Variants in TLCD4 observed in about 807,000 individuals in gnomAD.
TLCD4 encodes the protein TLC domain-containing protein 4.
A neutral mutation model predicts 24.2 loss-of-function variants in TLCD4; 7 were observed. That is an observed-to-expected ratio of 0.29 (90% CI 0.16 to 0.54). The LOEUF is 0.54. Among genes scored for constraint, TLCD4 ranks in the 20% least tolerant of loss-of-function variants. The pLI, the probability that TLCD4 is intolerant of heterozygous loss-of-function variation, is 0.95. For missense variants in TLCD4, 259 were observed against 313.9 expected (o/e 0.82, Z 1.32); for synonymous variants, 103 against 106.4 (o/e 0.97, Z 0.20).
the TLCD4 span, among the ~76,000 whole-genome samples, chr1:95,109,234 G>A: frequency 6.6e-6 from 1 of 152,088 alleles, no homozygotes; most frequent in Admixed American, 6.6e-5. Flanking sequence ...GGCTGAGGTG[G>A]GAAGACTGTT....
At chr1:95,114,480 G>T, upstream of TLCD4, among the ~76,000 whole-genome samples, 1 of 152,014 alleles carries the variant, frequency 6.6e-6, no homozygotes, top group Non-Finnish European at 1.5e-5. Flanking sequence ...TCAAACAATT[G>T]GTTCTATTCA....
chr1:95,126,946 G>A (rs1175368469), intron 1 of TLCD4, among the ~76,000 whole-genome samples: 3 of 152,220 alleles, frequency 2.0e-5, no homozygotes, highest in Non-Finnish European at 4.4e-5. Flanking sequence ...GCGTGGCAGT[G>A]TCATTGTTGC....
chr1:95,178,545 G>A (rs980313234), intron 6 of TLCD4, among the ~76,000 whole-genome samples: 1 of 142,896 alleles, frequency 7.0e-6, no homozygotes, highest in African/African-American at 2.6e-5. Context: ...TTACAGGCGT[G>A]AGCCACCATG....
At chr1:95,109,954 TATATAC>T in the TLCD4 span, among the ~76,000 whole-genome samples, 1 of 68,484 alleles carries the variant, frequency 1.5e-5, no homozygotes, top group Non-Finnish European at 2.8e-5. Flanking sequence ...TATATATATA[TATATAC>T]ACACACACAA....
rs1019799002 is a variant in TLCD4, at chr1:95,192,136, A to C, written c.*268A>C. 2.6e-5 allele frequency: 12 copies of C among 459,172 alleles called. No individual in the cohort carries two copies. The highest frequency in any genetic ancestry group is 2.3e-4 in the African/African-American group (11 of 48,194). The allele number at this position is 459,172 out of a possible 1,614,324, so 28.4% of individuals were successfully genotyped here. ...CATGGTGAAACCTCATCTCTACTAA[A>C]AATACAAAAAAAAGTAGCTGGGCGT... On this transcript the variant is annotated 3_prime_UTR_variant, in exon 7 of 7. Transcript: ENST00000370203.
chr1:95,124,737 A>G (rs887470768), intron 1 of TLCD4, among the ~76,000 whole-genome samples: 12 of 152,222 alleles, frequency 7.9e-5, no homozygotes, highest in African/African-American at 2.4e-4. Flanking sequence ...TGGAATTGCT[A>G]TGAGTAAAAC....
chr1:95,126,943 A>G (rs1426126716), intron 1 of TLCD4, among the ~76,000 whole-genome samples: 2 of 152,226 alleles, frequency 1.3e-5, no homozygotes, highest in African/African-American at 4.8e-5. Context: ...CTGGCGTGGC[A>G]GTGTCATTGT....
In TLCD4 at chr1:95,129,764, T is replaced by C. The variant is rs1676837430; in HGVS notation, c.-12+12147T>C. Among the ~76,000 whole-genome samples the C allele has an allele frequency of 1.3e-5, 2 of 152,190 alleles. 1 individual carries two copies. The highest frequency in any genetic ancestry group is 4.8e-5 in the African/African-American group (2 of 41,436). On this transcript the variant is annotated intron_variant, in intron 1 of 6. Transcript: ENST00000370203. ...GTCAAGAAAGGGAGTGTAACTTAAT[T>C]ATATGAACATAGGGCTTCTTCACCT...
At chr1:95,174,309 A>G (rs1373560574) in intron 6 of TLCD4, 1 of 158,858 alleles carries the variant, frequency 6.3e-6, no homozygotes, top group African/African-American at 2.4e-5. Context: ...CCTGTCCCCA[A>G]ATTCTTATAT....
chr1:95,128,560 TG>T (rs1295174665), intron 1 of TLCD4, among the ~76,000 whole-genome samples: 1 of 152,192 alleles, frequency 6.6e-6, no homozygotes, highest in Non-Finnish European at 1.5e-5. Context: ...AATGATTTCT[TG>T]GAACAGCAGG....
In TLCD4 at chr1:95,173,909, G is replaced by T; in HGVS notation, c.473+20G>T. The T allele has an allele frequency of 6.2e-7, 1 of 1,613,196 alleles. No homozygotes were observed. Among genetic ancestry groups the T allele is most frequent in the African/African-American group, 1.3e-5 (1 of 74,996 alleles). ...TCAGCGGTATGTTACTGATATCATT[G>T]ATTATTTTAAAGTCATGCTGTTTAT... On this transcript the variant is annotated intron_variant, in intron 6 of 6. Transcript: ENST00000370203.
the TLCD4 span, among the ~76,000 whole-genome samples, chr1:95,092,697 C>G: frequency 6.6e-6 from 1 of 151,992 alleles, no homozygotes; most frequent in Non-Finnish European, 1.5e-5. Context: ...TCAGAAGGAA[C>G]AAACTCCAGA....
chr1:95,188,396 A>AAAG (rs1444043826), intron 6 of TLCD4, among the ~76,000 whole-genome samples: 13 of 151,542 alleles, frequency 8.6e-5, no homozygotes, highest in Admixed American at 5.9e-4. Context: ...TCAGAAAAAA[A>AAAG]AAAAAAAAAA....
At chr1:95,142,291 CTTTTTTT>C (rs33917874) in intron 1 of TLCD4, among the ~76,000 whole-genome samples, 2 of 116,792 alleles carry the variant, frequency 1.7e-5, no homozygotes, top group Non-Finnish European at 3.6e-5. Flanking sequence ...TTATAAAAAT[CTTTTTTT>C]TTTTTTTTTT....
intron 5 of TLCD4, among the ~76,000 whole-genome samples, chr1:95,153,625 A>G (rs1407898021): frequency 6.6e-6 from 1 of 152,174 alleles, no homozygotes; most frequent in Non-Finnish European, 1.5e-5. Flanking sequence ...CTGGTATCCA[A>G]TTCACACGTA....
intron 5 of TLCD4, among the ~76,000 whole-genome samples, chr1:95,159,711 G>C (rs1363269166): frequency 7.9e-5 from 12 of 152,228 alleles, no homozygotes; most frequent in Admixed American, 7.8e-4. Flanking sequence ...TGCAGTTTCA[G>C]CTTTCTACAT....
At chr1:95,191,224 T>C (rs561517766) in intron 6 of TLCD4, among the ~76,000 whole-genome samples, 11 of 152,236 alleles carry the variant, frequency 7.2e-5, no homozygotes, top group Admixed American at 3.9e-4. Context: ...GAAAAGACTT[T>C]TTTTCTCCAC....
intron 4 of TLCD4, among the ~76,000 whole-genome samples, chr1:95,150,501 C>T (rs890963899): frequency 3.9e-5 from 6 of 152,050 alleles, no homozygotes. Context: ...GAGGCCTGGA[C>T]ATTTTTTATC....
intron 5 of TLCD4, 60 bp from the exon 6 acceptor site, chr1:95,173,756 T>A (rs2100991290): frequency 6.2e-7 from 1 of 1,608,016 alleles, no homozygotes; most frequent in Middle Eastern, 1.7e-4. Context: ...ATTTCTACGG[T>A]ATTTGGGAAT....
Sources: allele counts gnomAD v4.1 joint callset (sites outside exome capture counted in the v4.1 genomes callset), GRCh38; gene constraint gnomAD v4.1.1; transcripts MANE v1.5; gene names NCBI Gene and HGNC (gene_info 2026-07-23, HGNC 2026-07-21).